KIAA0513: variants seen among roughly 807,000 people sequenced by gnomAD.
KIAA0513 encodes uncharacterized protein KIAA0513.
A neutral mutation model predicts 56.5 loss-of-function variants in KIAA0513; 39 were observed. The observed-to-expected ratio is 0.69, with a 90% CI of 0.53 to 0.90. The LOEUF is 0.90. Among genes scored for constraint, KIAA0513 ranks in the 40% least tolerant of loss-of-function variants. KIAA0513 has a pLI of 0.00. For synonymous variants in KIAA0513, 268 were observed against 215.6 expected (o/e 1.24, Z -2.13); for missense variants, 591 against 535.2 (o/e 1.10, Z -1.03).
At chr16:85,037,450 C>CT (rs2073050237) in intron 1 of KIAA0513, among the ~76,000 whole-genome samples, 1 of 152,124 alleles carries the variant, frequency 6.6e-6, no homozygotes, top group African/African-American at 2.4e-5. Flanking sequence ...GAACCACATT[C>CT]TGAGTGAATA....
chr16:85,068,804 CTCTT>C (rs1041225135), intron 2 of KIAA0513, among the ~76,000 whole-genome samples: 6 of 152,278 alleles, frequency 3.9e-5, no homozygotes, highest in Middle Eastern at 3.4e-3. Context: ...GAGGGACTGT[CTCTT>C]TCTTTTCCCT....
chr16:85,065,449 G>C (rs1468019838), intron 1 of KIAA0513, among the ~76,000 whole-genome samples: 1 of 152,200 alleles, frequency 6.6e-6, no homozygotes, highest in Non-Finnish European at 1.5e-5. Flanking sequence ...TGTGGACGGA[G>C]GCTTGCTTTG....
At chr16:85,042,875 C>A (rs966985487) in intron 1 of KIAA0513, among the ~76,000 whole-genome samples, 4 of 152,116 alleles carry the variant, frequency 2.6e-5, no homozygotes, top group African/African-American at 9.7e-5. Context: ...TGACATTCCC[C>A]GAGAGGGAGG....
At chr16:85,028,489 C>T (rs1216802235) in intron 1 of KIAA0513, among the ~76,000 whole-genome samples, 2 of 152,116 alleles carry the variant, frequency 1.3e-5, no homozygotes, top group East Asian at 3.9e-4. Context: ...GGGAGGATTG[C>T]AGGGAGGATA....
chr16:85,041,238 T>C (rs757402613), intron 1 of KIAA0513, among the ~76,000 whole-genome samples: 22 of 152,162 alleles, frequency 1.4e-4, no homozygotes, highest in Non-Finnish European at 1.5e-5. Flanking sequence ...GAATTAGCCA[T>C]GTGGGGGATA....
In KIAA0513 at chr16:85,067,091, C is replaced by A. The variant is rs2073494083; in HGVS notation, c.20C>A (p.Pro7His). 1 of 1,590,832 alleles carries A rather than the reference C, an allele frequency of 6.3e-7. No homozygotes were observed. The highest frequency in any genetic ancestry group is 8.6e-7 in the Non-Finnish European group (1 of 1,166,654). Residue 7 changes from proline to histidine, a missense_variant, in exon 2 of 13, where the codon CCC becomes CAC. Coordinates refer to ENST00000683363, the MANE Select transcript of KIAA0513 (RefSeq NM_001388359.1). METPEV[P>H]VGSLIDFGPE... ...TGAGCCATGGAGACCCCAGAGGTCC[C>A]CGTGGGCTCGCTAATCGACTTTGGG...
At chr16:85,082,164 C>T (rs2073753372) in intron 9 of KIAA0513, among the ~76,000 whole-genome samples, 1 of 152,242 alleles carries the variant, frequency 6.6e-6, no homozygotes. Flanking sequence ...AGTCTACCAG[C>T]ACTTGCCGTG....
At chr16:85,043,090 A>G (rs1439184543) in intron 1 of KIAA0513, among the ~76,000 whole-genome samples, 3 of 152,364 alleles carry the variant, frequency 2.0e-5, no homozygotes, top group South Asian at 4.1e-4. Flanking sequence ...AACAGGCACA[A>G]ACCGAAATAC....
At chr16:85,069,332 C>T (rs552134643) in intron 2 of KIAA0513, among the ~76,000 whole-genome samples, 43 of 152,134 alleles carry the variant, frequency 2.8e-4, no homozygotes, top group Admixed American at 1.7e-3. Context: ...TGCCACGACT[C>T]CCCGAAGTGC....
chr16:85,085,836 T>G (rs2073801598), intron 10 of KIAA0513, among the ~76,000 whole-genome samples: 1 of 152,236 alleles, frequency 6.6e-6, no homozygotes, highest in South Asian at 2.1e-4. Context: ...CGCCGGCTCC[T>G]GAAGCTCGTG....
chr16:85,083,553 C>T (rs1213497558), intron 10 of KIAA0513, among the ~76,000 whole-genome samples: 1 of 152,208 alleles, frequency 6.6e-6, no homozygotes, highest in African/African-American at 2.4e-5. Context: ...AGCCCCACAG[C>T]CCTAGCCCAA....
rs1044623268 is a variant in KIAA0513 at position 85,076,642 on chromosome 16, C to T, written c.574+728C>T. Among the ~76,000 whole-genome samples, 1 of 152,132 alleles carries T rather than the reference C, an allele frequency of 6.6e-6. No individual in the cohort carries two copies. Among genetic ancestry groups the T allele is most frequent in the Non-Finnish European group, 1.5e-5 (1 of 68,022 alleles). Reference sequence around the variant, plus strand: ...CTTGGGGTGTATGTATCCCCTCCCCCTCCCACAGCCATCCTCTCCGCACCC... The same window carrying T: ...CTTGGGGTGTATGTATCCCCTCCCCTTCCCACAGCCATCCTCTCCGCACCC... On this transcript the variant is annotated intron_variant, in intron 5 of 12. Transcript: ENST00000683363. The surrounding 1 kb of genome is among the most constrained non-coding windows in gnomAD (Gnocchi z 4.7).
intron 1 of KIAA0513, among the ~76,000 whole-genome samples, chr16:85,049,043 G>A (rs1380843550): frequency 6.6e-6 from 1 of 152,244 alleles, no homozygotes; most frequent in Non-Finnish European, 1.5e-5. Context: ...CACCAACACC[G>A]AGTGCTTCTG....
At chr16:85,034,236 CAG>C (rs2073005016) in intron 1 of KIAA0513, among the ~76,000 whole-genome samples, 1 of 152,112 alleles carries the variant, frequency 6.6e-6, no homozygotes, top group Non-Finnish European at 1.5e-5. Context: ...AAAAATTAGC[CAG>C]GCATGGTTGT....
At chr16:85,060,652 A>C (rs2143974183) in intron 1 of KIAA0513, among the ~76,000 whole-genome samples, 1 of 152,278 alleles carries the variant, frequency 6.6e-6, no homozygotes, top group East Asian at 1.9e-4. Context: ...AAATCTGGGC[A>C]ACATAGTGAG....
At chr16:85,038,910 G>T (rs2073070390) in intron 1 of KIAA0513, among the ~76,000 whole-genome samples, 1 of 152,268 alleles carries the variant, frequency 6.6e-6, no homozygotes, top group South Asian at 2.1e-4. Flanking sequence ...TGGGCTCAAG[G>T]GCCGCATGTG....
rs769476353 is a variant in KIAA0513 at position 85,082,608 on chromosome 16, G to A, written c.1010+15G>A. The A allele has an allele frequency of 7.4e-6, 12 of 1,613,834 alleles. No individual in the cohort carries two copies. Among genetic ancestry groups the A allele is most frequent in the African/African-American group, 1.3e-5 (1 of 74,924 alleles). On this transcript the variant is annotated intron_variant, in intron 10 of 12. Transcript: ENST00000683363. ...GAGGAGAAGAGGTGTGTGTGTCCAC[G>A]TGACTTTGTTCCATTTTACAGTGCG...
intron 8 of KIAA0513, among the ~76,000 whole-genome samples, chr16:85,080,972 G>A (rs1172602890): frequency 1.3e-5 from 2 of 152,198 alleles, no homozygotes; most frequent in African/African-American, 4.8e-5. Flanking sequence ...CAACGGGAAA[G>A]GCAGAAGAAG....
Position 85,075,921 on chromosome 16 carries a change from C to A in KIAA0513, c.574+7C>A. ...TTCACCTACTACCACATCGGTAAGA[C>A]ATGGGTGGGCTGATGTGGGGCTCAC... On this transcript the variant is annotated splice_region_variant and intron_variant, in intron 5 of 12. Transcript: ENST00000683363. 6.2e-7 allele frequency: 1 copy of A among 1,608,738 alleles called. No individual in the cohort carries two copies. The highest frequency in any genetic ancestry group is 8.5e-7 in the Non-Finnish European group (1 of 1,175,166).
Sources: gnomAD v4.1 joint callset for allele counts (sites outside exome capture counted in the v4.1 genomes callset) on GRCh38, gnomAD v4.1.1 for gene constraint, Gnocchi (gnomAD v3.1) non-coding constraint, MANE v1.5 for transcripts, NCBI Gene and HGNC (gene_info 2026-07-23, HGNC 2026-07-21) for gene names.